PRKCE: variants seen among roughly 807,000 people sequenced by gnomAD.
PRKCE encodes the protein protein kinase C epsilon.
PRKCE carries 16 observed loss-of-function variants against 85.4 expected under a neutral mutation model. The ratio of observed to expected loss-of-function variants is 0.19; its 90% CI spans 0.13 to 0.28. The LOEUF (loss-of-function observed/expected upper bound fraction) is 0.28. Among genes scored for constraint, PRKCE ranks in the 10% least tolerant of loss-of-function variants. The pLI is 1.00. For synonymous variants in PRKCE, 388 were observed against 371.5 expected (o/e 1.04, Z -0.51); for missense variants, 573 against 975.2 (o/e 0.59, Z 5.49).
intron 2 of PRKCE, among the ~76,000 whole-genome samples, chr2:45,956,637 G>T (rs1700994921): frequency 6.6e-6 from 1 of 151,982 alleles, no homozygotes; most frequent in Non-Finnish European, 1.5e-5. Context: ...GTGAGCCAAG[G>T]TCGCACCACT....
chr2:45,754,183 T>C (rs1471387027), intron 1 of PRKCE, among the ~76,000 whole-genome samples: 1 of 152,152 alleles, frequency 6.6e-6, no homozygotes, highest in African/African-American at 2.4e-5. Flanking sequence ...TGAGGTAGGG[T>C]CTGTGAATAG....
intron 2 of PRKCE, among the ~76,000 whole-genome samples, chr2:45,891,525 C>T (rs183186645): frequency 4.7e-4 from 71 of 152,300 alleles, no homozygotes; most frequent in South Asian, 1.2e-3. Context: ...CTTTTCACCC[C>T]GTCAAGTTTC....
intron 14 of PRKCE, among the ~76,000 whole-genome samples, chr2:46,183,141 C>T (rs1004876328): frequency 1.3e-5 from 2 of 152,172 alleles, no homozygotes; most frequent in African/African-American, 4.8e-5. Flanking sequence ...TTCTGCAGAC[C>T]CTGCTCTCAG....
chr2:45,681,397 C>A (rs1676892915), intron 1 of PRKCE, among the ~76,000 whole-genome samples: 1 of 148,638 alleles, frequency 6.7e-6, no homozygotes, highest in African/African-American at 2.5e-5. Context: ...TGTAGTTATC[C>A]TAAATTTTAA....
intron 11 of PRKCE, among the ~76,000 whole-genome samples, chr2:46,133,090 G>T (rs1455233402): frequency 6.6e-6 from 1 of 152,192 alleles, no homozygotes; most frequent in East Asian, 1.9e-4. Flanking sequence ...ACTAGTTTTG[G>T]CAGCTTCTGG....
intron 2 of PRKCE, among the ~76,000 whole-genome samples, chr2:45,887,703 G>A (rs972672977): frequency 6.6e-6 from 1 of 152,136 alleles, no homozygotes; most frequent in African/African-American, 2.4e-5. Flanking sequence ...TGATGTCCTG[G>A]TCCTGCCTCC....
intron 11 of PRKCE, among the ~76,000 whole-genome samples, chr2:46,140,971 A>G (rs547684635): frequency 3.3e-5 from 5 of 152,326 alleles, no homozygotes; most frequent in African/African-American, 1.2e-4. Flanking sequence ...TCACCTATCA[A>G]ACTACCAAAT....
At chr2:45,807,254 C>T (rs1688315948) in intron 1 of PRKCE, among the ~76,000 whole-genome samples, 1 of 152,218 alleles carries the variant, frequency 6.6e-6, no homozygotes, top group Admixed American at 6.5e-5. Context: ...AGCATAGTGC[C>T]TAGCACATGG....
chr2:46,102,487 A>G (rs920160769), intron 11 of PRKCE, among the ~76,000 whole-genome samples: 10 of 152,246 alleles, frequency 6.6e-5, no homozygotes, highest in African/African-American at 2.4e-4. Context: ...AGGTTCCCCT[A>G]TTAATGAACT....
At chr2:46,034,094 T>A (rs1707708920) in intron 10 of PRKCE, among the ~76,000 whole-genome samples, 1 of 152,174 alleles carries the variant, frequency 6.6e-6, no homozygotes, top group African/African-American at 2.4e-5. Context: ...ATGACAACAC[T>A]CTAGGCTTTT....
At chr2:46,120,559 T>C (rs1173618381) in intron 11 of PRKCE, among the ~76,000 whole-genome samples, 5 of 152,196 alleles carry the variant, frequency 3.3e-5, no homozygotes, top group African/African-American at 1.2e-4. Context: ...GTAAGATTTA[T>C]ACAGATTTTG....
At chr2:46,116,031 G>A (rs1574509104) in intron 11 of PRKCE, among the ~76,000 whole-genome samples, 1 of 152,240 alleles carries the variant, frequency 6.6e-6, no homozygotes, top group Non-Finnish European at 1.5e-5. Flanking sequence ...TCCATAAGGT[G>A]AATGATCATT....
chr2:46,153,801 T>A (rs111730805), intron 13 of PRKCE, among the ~76,000 whole-genome samples: 10,002 of 144,910 alleles, frequency 0.069, 82 homozygotes, highest in Non-Finnish European at 0.085. Context: ...TTTTTTTTTT[T>A]TTTGAGACCA....
chr2:45,904,544 C>T (rs867696555), intron 2 of PRKCE, among the ~76,000 whole-genome samples: 45 of 152,120 alleles, frequency 3.0e-4, no homozygotes, highest in African/African-American at 8.7e-4. Context: ...AAGGCAGAGG[C>T]GTGCTCGGTG....
chr2:45,762,854 G>A (rs1302638371), intron 1 of PRKCE, among the ~76,000 whole-genome samples: 1 of 152,192 alleles, frequency 6.6e-6, no homozygotes, highest in Non-Finnish European at 1.5e-5. Context: ...GGGGCCCTCA[G>A]GCTGTAACAG....
At chr2:46,025,858 C>T (rs1259987506) in intron 10 of PRKCE, among the ~76,000 whole-genome samples, 1 of 152,040 alleles carries the variant, frequency 6.6e-6, no homozygotes, top group Non-Finnish European at 1.5e-5. Flanking sequence ...GTGTTGATCT[C>T]TGCTGCTTTA....
At chr2:46,182,004 T>G (rs1680024776) in intron 14 of PRKCE, among the ~76,000 whole-genome samples, 1 of 152,156 alleles carries the variant, frequency 6.6e-6, no homozygotes. Context: ...TCGTCCTTAG[T>G]GACGTTACAA....
At chr2:45,926,516 C>T (rs1363628831) in intron 2 of PRKCE, among the ~76,000 whole-genome samples, 1 of 152,122 alleles carries the variant, frequency 6.6e-6, no homozygotes, top group Non-Finnish European at 1.5e-5. Context: ...GTAGTACTGG[C>T]ATATTACATA....
At position 46,145,837 on chromosome 2, in the gene PRKCE, C is replaced by A. The variant is rs1676020356; in HGVS notation, c.1731+606C>A. Reference sequence around the variant, plus strand: ...GAGCCATAATTGCACCATTGCACTCCAGCCTGGGTGACAGAGCAAGACCCT... The same window carrying A: ...GAGCCATAATTGCACCATTGCACTCAAGCCTGGGTGACAGAGCAAGACCCT... On this transcript the variant is annotated intron_variant, in intron 12 of 14. Transcript: ENST00000306156. The surrounding 1 kb of genome is among the most constrained non-coding windows in gnomAD (Gnocchi z 4.6). 6.6e-6 allele frequency among the ~76,000 whole-genome samples: 1 copy of A among 151,988 alleles called. No individual in the cohort carries two copies. The highest frequency in any genetic ancestry group is 2.4e-5 in the African/African-American group (1 of 41,346).
Sources: allele counts gnomAD v4.1 joint callset (sites outside exome capture counted in the v4.1 genomes callset), GRCh38; gene constraint gnomAD v4.1.1; non-coding constraint Gnocchi (gnomAD v3.1); transcripts MANE v1.5; gene names NCBI Gene and HGNC (gene_info 2026-07-23, HGNC 2026-07-21).